Variants in MYBPHL observed in about 807,000 individuals in gnomAD.
The protein encoded by MYBPHL is myosin binding protein H like, also known as myosin-binding protein H-like.
A neutral mutation model predicts 39.5 loss-of-function variants in MYBPHL; 32 were observed. The observed-to-expected ratio is 0.81, with a 90% CI of 0.61 to 1.09. The LOEUF (loss-of-function observed/expected upper bound fraction) is 1.09. MYBPHL is among the 50% of genes least tolerant of loss of function. The pLI is 0.00. For synonymous variants in MYBPHL, 196 were observed against 183.7 expected (o/e 1.07, Z -0.54); for missense variants, 456 against 460.2 (o/e 0.99, Z 0.08).
At chr1:109,304,308 G>C (rs944047151) in intron 1 of MYBPHL, among the ~76,000 whole-genome samples, 1 of 152,174 alleles carries the variant, frequency 6.6e-6, no homozygotes, top group African/African-American at 2.4e-5. Flanking sequence ...AAGGAAGGAC[G>C]GAAGGAAGGA....
intron 8 of MYBPHL, among the ~76,000 whole-genome samples, chr1:109,293,356 G>T (rs1479213685): frequency 6.6e-6 from 1 of 152,134 alleles, no homozygotes; most frequent in Non-Finnish European, 1.5e-5. Flanking sequence ...TCCTACCATC[G>T]ACTTGAGGAG....
At chr1:109,306,269 AG>A (rs938415959) in intron 1 of MYBPHL, among the ~76,000 whole-genome samples, 2 of 152,152 alleles carry the variant, frequency 1.3e-5, no homozygotes, top group African/African-American at 2.4e-5. Context: ...ACCATCGTGA[AG>A]GGGAAATTGA....
In MYBPHL at chr1:109,297,565, G is replaced by A. The variant is rs1253861188; in HGVS notation, c.287C>T (p.Thr96Ile). 1.2e-6 allele frequency: 2 copies of A among 1,613,930 alleles called. No individual in the cohort carries two copies. Among genetic ancestry groups the A allele is most frequent in the Non-Finnish European group, 1.7e-6 (2 of 1,180,032 alleles). Residue 96 changes from threonine (T) to isoleucine (I), a missense_variant, in exon 3 of 9, where the codon ACC (threonine) becomes ATC (isoleucine). Thr to Ile is a moderately conservative substitution (Grantham distance 89, BLOSUM62 -1). Transcript: ENST00000357155. ...IWTHDGCALDTRRVSVRNGEQ... is the reference protein window; with the variant it reads ...IWTHDGCALDIRRVSVRNGEQ... ...CCCATTCCGCACACTCACACGCCTG[G>A]TGTCCAAGGCACAGCCATCATGTGT...
rs955469084 is a variant in MYBPHL, at chr1:109,292,561, A to G, written c.*61T>C. ...TGTCACGGTCCCTGGCTCCTGTGCCATGAATTCACTTCATTGCTGGGCACT... is the reference window on the plus strand; with the variant it reads ...TGTCACGGTCCCTGGCTCCTGTGCCGTGAATTCACTTCATTGCTGGGCACT... On this transcript the variant is annotated 3_prime_UTR_variant, in exon 9 of 9. Transcript: ENST00000357155. The G allele has an allele frequency of 6.6e-6, 1 of 152,274 alleles. No homozygotes were observed. The highest frequency in any genetic ancestry group is 2.4e-5 in the African/African-American group (1 of 41,460). The allele number at this position is 152,274 out of a possible 1,614,324, so 9.4% of individuals were successfully genotyped here.
At chr1:109,299,039 G>A (rs1218313676) in intron 1 of MYBPHL, among the ~76,000 whole-genome samples, 2 of 152,134 alleles carry the variant, frequency 1.3e-5, no homozygotes, top group Non-Finnish European at 2.9e-5. Flanking sequence ...TTTGGAGATT[G>A]ACCAGGTATC....
In MYBPHL at chr1:109,293,079, C is replaced by T. The variant is rs1176576243; in HGVS notation, c.*34-491G>A. ...TCTTGGAAGGGAAGGAATCCATAAG[C>T]TTCAAAGTAAAAAACAAATATATTA... On this transcript the variant is annotated intron_variant, in intron 8 of 8. Coordinates refer to ENST00000357155, the MANE Select transcript of MYBPHL (RefSeq NM_001010985.3). 5 of 152,132 alleles carry T rather than the reference C, an allele frequency of 3.3e-5. No individual in the cohort carries two copies. The East Asian group carries it at 9.6e-4, about 29-fold the overall frequency. The allele number at this position is 152,132 out of a possible 1,614,324, so 9.4% of individuals were successfully genotyped here.
chr1:109,302,886 C>T (rs754404620), intron 1 of MYBPHL, among the ~76,000 whole-genome samples: 1 of 152,174 alleles, frequency 6.6e-6, no homozygotes, highest in Non-Finnish European at 1.5e-5. Context: ...GATGGCTACG[C>T]GACCAGTTTT....
intron 6 of MYBPHL, 103 bp from the exon 7 acceptor site, chr1:109,295,400 CT>C: frequency 9.2e-7 from 1 of 1,084,218 alleles, no homozygotes; most frequent in Admixed American, 2.5e-5. Context: ...GAGATAATGG[CT>C]TTCTGGAAGG....
rs186157177 is a variant in MYBPHL, at chr1:109,306,095, T to C, written c.145+752A>G. Among the ~76,000 whole-genome samples, 971 of 152,284 alleles carry C rather than the reference T, an allele frequency of 6.4e-3. 6 individuals are homozygous for C. The highest frequency in any genetic ancestry group is 0.011 in the Non-Finnish European group (771 of 68,024). On this transcript the variant is annotated intron_variant, in intron 1 of 8. Transcript: ENST00000357155. ...CCTCTTCCTGCCCTAGGAGTCCACG[T>C]GTTTCTTGATTGTGGTCTTTTCATC...
intron 2 of MYBPHL, among the ~76,000 whole-genome samples, chr1:109,297,968 C>T (rs566460824): frequency 6.6e-6 from 1 of 152,250 alleles, no homozygotes; most frequent in Admixed American, 6.5e-5. Flanking sequence ...CACACCATCT[C>T]ATGGGTGCAC....
chr1:109,299,910 G>C (rs976047769), intron 1 of MYBPHL, among the ~76,000 whole-genome samples: 1 of 152,216 alleles, frequency 6.6e-6, no homozygotes, highest in Non-Finnish European at 1.5e-5. Flanking sequence ...CTCTCCTGTG[G>C]CCATCTTGGC....
In MYBPHL at chr1:109,295,269, A is replaced by G; in HGVS notation, c.896T>C (p.Met299Thr). The change falls in exon 7 of 9, where the codon ATG becomes ACG. Residue 299 changes from methionine to threonine, a missense_variant. By Grantham distance (81) the Met-to-Thr change is moderately conservative. Coordinates refer to ENST00000357155, the MANE Select transcript of MYBPHL (RefSeq NM_001010985.3). ...RPKIIWLKNK[M>T]DIQGNPKYRA... ...GTACTTAGGGTTGCCTTGGATATCC[A>G]TCTTGTTCTTCAGCCAGATGATCTT... 1 of 1,614,036 alleles carries G rather than the reference A, an allele frequency of 6.2e-7. No individual in the cohort carries two copies. Among genetic ancestry groups the G allele is most frequent in the Non-Finnish European group, 8.5e-7 (1 of 1,179,950 alleles).
At position 109,295,317 on chromosome 1, in the gene MYBPHL, G is replaced by C; in HGVS notation, c.868-20C>G. The C allele has an allele frequency of 6.2e-7, 1 of 1,610,300 alleles. No individual in the cohort carries two copies. The highest frequency in any genetic ancestry group is 8.5e-7 in the Non-Finnish European group (1 of 1,177,794). On this transcript the variant is annotated intron_variant, in intron 6 of 8. Coordinates refer to ENST00000357155, the MANE Select transcript of MYBPHL (RefSeq NM_001010985.3). ...CTTGGGCTGGAAGACAAAGATGAGG[G>C]AGGCAGCAAGGAGGGGCGAGGGTAA...
In MYBPHL at chr1:109,297,153, T is replaced by C; in HGVS notation, c.467A>G (p.Asp156Gly). 6.2e-7 allele frequency: 1 copy of C among 1,614,142 alleles called. No individual in the cohort carries two copies. Among genetic ancestry groups the C allele is most frequent in the Non-Finnish European group, 8.5e-7 (1 of 1,180,028 alleles). The change falls in exon 4 of 9, where the codon GAC (aspartate) becomes GGC (glycine). Residue 156 changes from aspartate (D) to glycine (G), a missense_variant. Transcript: ENST00000357155. Reference sequence around the variant, plus strand: ...CAGTGTAGCGCTGAAGCCCCAAACGTCCACCAGCTTAATACTCTGAGGAGG... The same window carrying C: ...CAGTGTAGCGCTGAAGCCCCAAACGCCCACCAGCTTAATACTCTGAGGAGG... ...PGPPQSIKLV[D>G]VWGFSATLEW... is the part of the protein sequence containing the mutation.
At position 109,292,527 on chromosome 1, in the gene MYBPHL, G is replaced by A. The variant is rs1657902785; in HGVS notation, c.*95C>T. The A allele has an allele frequency of 6.6e-6, 1 of 152,252 alleles. No homozygotes were observed. The highest frequency in any genetic ancestry group is 1.5e-5 in the Non-Finnish European group (1 of 68,056). 9.4% of individuals were successfully genotyped at this position (152,252 alleles called of 1,614,324 possible). On this transcript the variant is annotated 3_prime_UTR_variant, in exon 9 of 9. Coordinates refer to ENST00000357155, the MANE Select transcript of MYBPHL (RefSeq NM_001010985.3). ...TGGCCAGAGGACACCAGGCTGCTGAGGGCACCGTTGTCACGGTCCCTGGCT... is the reference window on the plus strand; with the variant it reads ...TGGCCAGAGGACACCAGGCTGCTGAAGGCACCGTTGTCACGGTCCCTGGCT...
At chr1:109,293,769 A>G (rs975421951) in intron 8 of MYBPHL, among the ~76,000 whole-genome samples, 1 of 151,362 alleles carries the variant, frequency 6.6e-6, no homozygotes, top group African/African-American at 2.4e-5. Context: ...ATAAATATAA[A>G]AATGGTTACA....
At chr1:109,305,785 G>A (rs978402352) in intron 1 of MYBPHL, among the ~76,000 whole-genome samples, 5 of 152,188 alleles carry the variant, frequency 3.3e-5, no homozygotes, top group South Asian at 2.1e-4. Flanking sequence ...GGCAGACAGA[G>A]TCTGCTGCAC....
chr1:109,306,168 C>T (rs1043691858), intron 1 of MYBPHL, among the ~76,000 whole-genome samples: 1 of 152,218 alleles, frequency 6.6e-6, no homozygotes, highest in Admixed American at 6.5e-5. Context: ...GCTACAGAGG[C>T]CTCAGCCAGG....
rs114602833 is a variant in MYBPHL at position 109,306,890 on chromosome 1, C to T, written c.102G>A (p.Gln34=). The T allele has an allele frequency of 2.0e-3, 3,162 of 1,603,130 alleles. 5 individuals are homozygous for T. The highest frequency in any genetic ancestry group is 2.5e-3 in the Non-Finnish European group (2,960 of 1,175,226). The stretch of plus-strand genomic sequence containing the variant: ...GCTGGGGAGTGGGGCTGCCAGCCCC[C>T]TGTCCAGGTGAAGCCTGGGGTGGTT... ...DAEPPQASPG[Q]GAGSPTPQLL... Residue 34 remains glutamine, a synonymous_variant, in exon 1 of 9, where the codon CAG becomes CAA. Coordinates refer to ENST00000357155, the MANE Select transcript of MYBPHL (RefSeq NM_001010985.3).
Sources: allele counts gnomAD v4.1 joint callset (sites outside exome capture counted in the v4.1 genomes callset), GRCh38; gene constraint gnomAD v4.1.1; transcripts MANE v1.5; gene names NCBI Gene and HGNC (gene_info 2026-07-23, HGNC 2026-07-21).